The following EIF3D variants were observed in gnomAD, a reference collection of about 807,000 sequenced individuals.
EIF3D encodes the protein eukaryotic translation initiation factor 3 subunit D.
In EIF3D, 10 loss-of-function variants were observed where a neutral mutation model predicts 75.4. That is an observed-to-expected ratio of 0.13 (90% CI 0.08 to 0.22). The LOEUF is 0.22. Ranked by LOEUF, EIF3D falls within the 10% of genes least tolerant of loss-of-function variation. EIF3D has a pLI of 1.00. For missense variants in EIF3D, 394 were observed against 708.0 expected, an observed-to-expected ratio of 0.56 and a Z score of 5.03; for synonymous variants, 246 against 248.3, an observed-to-expected ratio of 0.99 and a Z score of 0.09.
At chr22:36,524,280 TTAA>T (rs1934561438) in intron 4 of EIF3D, among the ~76,000 whole-genome samples, 1 of 152,166 alleles carries the variant, frequency 6.6e-6, no homozygotes, top group East Asian at 1.9e-4. Flanking sequence ...GACCATCTAC[TTAA>T]TAAAGTCTGC....
chr22:36,524,631 T>C lies in EIF3D; in HGVS notation c.271A>G (p.Thr91Ala). Residue 91 changes from threonine (T) to alanine (A), a missense_variant, in exon 4 of 15, where the codon ACG (threonine) becomes GCG (alanine). By Grantham distance (58) the Thr-to-Ala change is moderately conservative (BLOSUM62 0). Transcript: ENST00000216190. ...QLVDTARTQKTAYQRNRMRFA... is the reference protein window; with the variant it reads ...QLVDTARTQKAAYQRNRMRFA... ...CTCATTCGATTCCGCTGGTAGGCCG[T>C]CTTCTGTGTGCGCGCTGTATCCACC... 1 of 1,614,190 alleles carries C rather than the reference T, an allele frequency of 6.2e-7. No individual in the cohort carries two copies. The highest frequency in any genetic ancestry group is 8.5e-7 in the Non-Finnish European group (1 of 1,180,040).
intron 1 of EIF3D, 68 bp from the exon 2 acceptor site, chr22:36,526,199 T>G (rs1934596294): frequency 6.9e-7 from 1 of 1,451,620 alleles, no homozygotes; most frequent in Non-Finnish European, 9.2e-7. Context: ...ACCCTCCATA[T>G]GAAGTAAGCA....
Position 36,518,839 on chromosome 22 carries a change from T to A in EIF3D, c.783A>T (p.Ser261=). The stretch of plus-strand genomic sequence containing the variant: ...GGACGACAATATCCCAGGAATACAC[T>A]GAGCGGGTACAGCTCATCAGCGTGG... The part of the protein sequence containing the change: ...ILATLMSCTR[S]VYSWDIVVQR... The change falls in exon 9 of 15, where the codon TCA becomes TCT. Residue 261 remains serine (S), a synonymous_variant. Transcript: ENST00000216190. The A allele has an allele frequency of 6.2e-7, 1 of 1,614,220 alleles. No individual in the cohort carries two copies. The highest frequency in any genetic ancestry group is 8.5e-7 in the Non-Finnish European group (1 of 1,180,042).
chr22:36,511,418 G>C, intron 14 of EIF3D, 85 bp downstream of exon 14: 1 of 1,565,630 alleles, frequency 6.4e-7, no homozygotes, highest in Non-Finnish European at 8.6e-7. Context: ...GTTTTATCAA[G>C]GTTAAAGATC....
chr22:36,511,284 C>A (rs1934330413), intron 14 of EIF3D: 7 of 964,618 alleles, frequency 7.3e-6, no homozygotes, highest in Non-Finnish European at 9.0e-6. Flanking sequence ...CTGCCACAGT[C>A]CAGCCGCTTC....
intron 1 of EIF3D, 161 bp downstream of exon 1, chr22:36,528,915 G>A (rs1934653126): frequency 5.3e-6 from 1 of 190,044 alleles, no homozygotes; most frequent in Non-Finnish European, 1.1e-5. Flanking sequence ...TAGCGTGCGG[G>A]ACGCGGGGCC....
At chr22:36,525,923 CAAT>C (rs1934591056) in intron 2 of EIF3D, 73 bp downstream of exon 2, 1 of 1,534,518 alleles carries the variant, frequency 6.5e-7, no homozygotes, top group Non-Finnish European at 8.8e-7. Context: ...GATTTTGAGA[CAAT>C]AAAATCTAAA....
chr22:36,514,986 C>G (rs929977672), intron 12 of EIF3D, among the ~76,000 whole-genome samples: 3 of 152,182 alleles, frequency 2.0e-5, no homozygotes, highest in East Asian at 1.9e-4. Context: ...CAACCTCCCC[C>G]CTCTCTTTCT....
At chr22:36,525,847 C>T (rs1227051087) in intron 2 of EIF3D, 138 bp from the exon 3 acceptor site, 11 of 1,445,908 alleles carry the variant, frequency 7.6e-6, no homozygotes, top group Non-Finnish European at 1.0e-5. Context: ...GTGCCCAGCT[C>T]TTCTATGACT....
In EIF3D at chr22:36,518,914, CAA is replaced by C; in HGVS notation, c.712-6_712-5del. 6.2e-7 allele frequency: 1 copy of C among 1,613,440 alleles called. No individual in the cohort carries two copies. Among genetic ancestry groups the C allele is most frequent in the Non-Finnish European group, 8.5e-7 (1 of 1,179,476 alleles). Reference sequence around the variant, plus strand: ...CATTCCCCTGAGTTTTTGCCAGCTGCAAAGAGGATCAAAGAGAGAAGATGGAA... The same window carrying C: ...CATTCCCCTGAGTTTTTGCCAGCTGCAGAGGATCAAAGAGAGAAGATGGAA... On this transcript the variant is annotated splice_polypyrimidine_tract_variant and splice_region_variant and intron_variant, in intron 8 of 14. Coordinates refer to ENST00000216190, the MANE Select transcript of EIF3D (RefSeq NM_003753.4).
chr22:36,522,757 G>A (rs887654587), intron 6 of EIF3D, among the ~76,000 whole-genome samples: 3 of 152,166 alleles, frequency 2.0e-5, no homozygotes, highest in Admixed American at 1.3e-4. Flanking sequence ...AGATTAGGTC[G>A]TTAAAAGGAA....
At chr22:36,514,513 TA>T (rs1934392297) in intron 12 of EIF3D, among the ~76,000 whole-genome samples, 1 of 152,208 alleles carries the variant, frequency 6.6e-6, no homozygotes, top group Middle Eastern at 3.2e-3. Context: ...ATGAGTCTCT[TA>T]AATCTAGGTG....
chr22:36,517,007 TCTAC>T, intron 10 of EIF3D: 1 of 614,076 alleles, frequency 1.6e-6, no homozygotes, highest in Non-Finnish European at 2.9e-6. Flanking sequence ...CATGCTCATC[TCTAC>T]TTCATTTTTT....
intron 12 of EIF3D, among the ~76,000 whole-genome samples, chr22:36,514,570 G>C (rs1204807652): frequency 6.6e-6 from 1 of 152,144 alleles, no homozygotes; most frequent in Non-Finnish European, 1.5e-5. Context: ...GCACAAGAAG[G>C]ATCTGATGTG....
chr22:36,523,137 T>C (rs544908738), intron 6 of EIF3D, 72 bp downstream of exon 6: 63 of 1,218,700 alleles, frequency 5.2e-5, no homozygotes, highest in Non-Finnish European at 6.7e-5. Context: ...ATATCTCATC[T>C]AAGCTATTAA....
intron 1 of EIF3D, chr22:36,528,593 C>CGGGGGGGG (rs1348791641): frequency 1.4e-4 from 17 of 119,678 alleles, no homozygotes; most frequent in African/African-American, 8.9e-4. Context: ...CATCGCTGAA[C>CGGGGGGGG]AGGGGGTGGG....
intron 3 of EIF3D, among the ~76,000 whole-genome samples, 153 bp from the exon 4 acceptor site, chr22:36,524,885 A>T (rs1353650667): frequency 6.6e-6 from 1 of 152,134 alleles, no homozygotes; most frequent in African/African-American, 2.4e-5. Context: ...CCCACCCCAT[A>T]CCCACTGAAT....
At chr22:36,521,932 C>T (rs1435718574) in intron 6 of EIF3D, among the ~76,000 whole-genome samples, 1 of 151,682 alleles carries the variant, frequency 6.6e-6, no homozygotes, top group Admixed American at 6.6e-5. Context: ...AGTGAGATTC[C>T]ATCTTAAAAA....
At chr22:36,512,965 G>A in intron 12 of EIF3D, 1 of 174,028 alleles carries the variant, frequency 5.7e-6, no homozygotes. Flanking sequence ...ACGTGTAACA[G>A]TGAGCCAAGT....
Sources: allele counts gnomAD v4.1 joint callset (sites outside exome capture counted in the v4.1 genomes callset), GRCh38; gene constraint gnomAD v4.1.1; transcripts MANE v1.5; gene names NCBI Gene and HGNC (gene_info 2026-07-23, HGNC 2026-07-21).